GLYAT: variants seen among roughly 807,000 people sequenced by gnomAD.
The protein encoded by GLYAT is glycine-N-acyltransferase.
Under a neutral mutation model 22.8 loss-of-function variants are expected in GLYAT, and 25 were observed. The observed-to-expected ratio is 1.09, with a 90% CI of 0.80 to 1.53. The LOEUF is 1.53. GLYAT is among the 40% of genes most tolerant of loss of function. The pLI is 0.00. For synonymous variants in GLYAT, 140 were observed against 122.7 expected, an observed-to-expected ratio of 1.14 and a Z score of -0.93; for missense variants, 411 against 353.9, an observed-to-expected ratio of 1.16 and a Z score of -1.29.
intron 2 of GLYAT, among the ~76,000 whole-genome samples, chr11:58,716,775 C>A (rs773779190): frequency 6.6e-6 from 1 of 152,092 alleles, no homozygotes; most frequent in Non-Finnish European, 1.5e-5. Flanking sequence ...AGTGCACACC[C>A]GTGAAACAGC....
At chr11:58,716,198 G>C (rs1856678061) in intron 2 of GLYAT, among the ~76,000 whole-genome samples, 1 of 152,082 alleles carries the variant, frequency 6.6e-6, no homozygotes, top group Non-Finnish European at 1.5e-5. Flanking sequence ...CCCACAGACA[G>C]TAAGTGTCCT....
At chr11:58,727,909 A>C (rs1856826169) in intron 1 of GLYAT, among the ~76,000 whole-genome samples, 1 of 152,138 alleles carries the variant, frequency 6.6e-6, no homozygotes, top group Non-Finnish European at 1.5e-5. Context: ...TCAAGGGAGA[A>C]TGGACACAAG....
chr11:58,712,932 A>G (rs376144951), intron 3 of GLYAT, 46 bp from the exon 4 acceptor site: 3 of 1,271,426 alleles, frequency 2.4e-6, no homozygotes, highest in Non-Finnish European at 3.4e-6. Flanking sequence ...CTTATATTTT[A>G]TGATTACATA....
chr11:58,724,351 C>A, intron 2 of GLYAT, 65 bp downstream of exon 2: 1 of 828,444 alleles, frequency 1.2e-6, no homozygotes, highest in South Asian at 1.6e-5. Context: ...AAATATCAGT[C>A]CCTTTCCCTC....
chr11:58,712,854 A>G lies in GLYAT; in HGVS notation c.222T>C (p.Asn74=). The change falls in exon 4 of 6, where the codon AAT becomes AAC. Residue 74 remains asparagine (N), a synonymous_variant. Coordinates refer to ENST00000344743, the MANE Select transcript of GLYAT (RefSeq NM_201648.3). ...GATCTTTGGAGTAGATTTGGTAAGT[A>G]TTGGTATAGTGATCAAGGTCATCTG... ...DMTDDLDHYT[N]TYQIYSKDPQ... 1 of 1,606,640 alleles carries G rather than the reference A, an allele frequency of 6.2e-7. No homozygotes were observed. Among genetic ancestry groups the G allele is most frequent in the Non-Finnish European group, 8.5e-7 (1 of 1,173,294 alleles).
chr11:58,712,222 T>C (rs117261893), intron 4 of GLYAT, among the ~76,000 whole-genome samples: 1 of 152,352 alleles, frequency 6.6e-6, no homozygotes, highest in East Asian at 1.9e-4. Context: ...GTCACTTTCA[T>C]TTAATCTTTT....
chr11:58,710,808 G>A (rs1223954701), intron 4 of GLYAT, 47 bp from the exon 5 acceptor site: 2 of 1,184,042 alleles, frequency 1.7e-6, no homozygotes, highest in African/African-American at 3.0e-5. Context: ...GTATATTCTA[G>A]ACTGAAGTTC....
chr11:58,710,988 C>A (rs1314135073), intron 4 of GLYAT, among the ~76,000 whole-genome samples: 1 of 152,132 alleles, frequency 6.6e-6, no homozygotes, highest in Non-Finnish European at 1.5e-5. Context: ...CCTCTAGAAG[C>A]AAAATTTATT....
intron 3 of GLYAT, 49 bp downstream of exon 3, chr11:58,715,267 G>A (rs1188707792): frequency 2.4e-6 from 2 of 837,428 alleles, no homozygotes; most frequent in Admixed American, 3.6e-5. Flanking sequence ...AATGTAATAG[G>A]CACACAGCTA....
intron 5 of GLYAT, chr11:58,710,369 C>T: frequency 2.2e-6 from 2 of 900,546 alleles, no homozygotes; most frequent in Non-Finnish European, 3.3e-6. Flanking sequence ...CAATAAAGGT[C>T]CAAGTGGTAG....
intron 5 of GLYAT, 180 bp downstream of exon 5, chr11:58,710,410 G>A (rs1393220326): frequency 5.6e-6 from 4 of 711,680 alleles, no homozygotes; most frequent in South Asian, 3.8e-5. Context: ...AGATGAGAAG[G>A]GAGATGGTGG....
intron 2 of GLYAT, among the ~76,000 whole-genome samples, chr11:58,723,690 A>G (rs1355481772): frequency 6.6e-6 from 1 of 152,056 alleles, no homozygotes; most frequent in Non-Finnish European, 1.5e-5. Context: ...AGTGAGCCAT[A>G]TCCATTTGGT....
At position 58,709,676 on chromosome 11, in the gene GLYAT, T is replaced by C; in HGVS notation, c.*90A>G. On this transcript the variant is annotated 3_prime_UTR_variant, in exon 6 of 6. Coordinates refer to ENST00000344743, the MANE Select transcript of GLYAT (RefSeq NM_201648.3). ...ACAGTGCCCACTCCTTTACTGCTGATTACAATTTATTATTTCTTTTCATCC... is the reference window on the plus strand; with the variant it reads ...ACAGTGCCCACTCCTTTACTGCTGACTACAATTTATTATTTCTTTTCATCC... 7.2e-7 allele frequency: 1 copy of C among 1,382,124 alleles called. No homozygotes were observed. The highest frequency in any genetic ancestry group is 9.9e-7 in the Non-Finnish European group (1 of 1,008,070). The allele number at this position is 1,382,124 out of a possible 1,614,324, so 85.6% of individuals were successfully genotyped here. A position where few individuals can be genotyped will look rare whatever the true frequency, so the allele number is the denominator to read the frequency against.
Position 58,724,418 on chromosome 11 carries a change from T to G in GLYAT, c.79A>C (p.Lys27Gln). The G allele has an allele frequency of 6.3e-7, 1 of 1,580,078 alleles. No individual in the cohort carries two copies. Among genetic ancestry groups the G allele is most frequent in the Non-Finnish European group, 8.7e-7 (1 of 1,151,152 alleles). Residue 27 changes from lysine (K) to glutamine (Q), a missense_variant and splice_region_variant, in exon 2 of 6, where the codon AAG becomes CAG. Lys to Gln is a moderately conservative substitution (Grantham distance 53). Coordinates refer to ENST00000344743, the MANE Select transcript of GLYAT (RefSeq NM_201648.3). Reference protein sequence around the residue: ...SLRKSLPASLKVYGTVFHINH... With the variant: ...SLRKSLPASLQVYGTVFHINH... ...CTCTCAGAATTTTCCATTATCACCT[T>G]TAAGGATGCTGGGAGGCTCTTCCTC... is the stretch of plus-strand genomic sequence containing the variant.
At chr11:58,714,628 C>T (rs1856657053) in intron 3 of GLYAT, among the ~76,000 whole-genome samples, 1 of 152,070 alleles carries the variant, frequency 6.6e-6, no homozygotes, top group South Asian at 2.1e-4. Context: ...GGGTGGTTTC[C>T]CCCACCGTGT....
intron 1 of GLYAT, 89 bp from the exon 2 acceptor site, chr11:58,724,600 G>GTT: frequency 1.3e-5 from 6 of 447,762 alleles, no homozygotes; most frequent in South Asian, 6.2e-5. Context: ...TAATGACCAG[G>GTT]TTTTTTTTTT....
Position 58,715,403 on chromosome 11 carries a change from G to T in GLYAT, c.102C>A (p.His34Gln), listed in dbSNP as rs768450855. 2 of 1,568,330 alleles carry T rather than the reference G, an allele frequency of 1.3e-6. No homozygotes were observed. Among genetic ancestry groups the T allele is most frequent in the Non-Finnish European group, 1.8e-6 (2 of 1,141,316 alleles). ...GATTGAATGGATTTCCATGGTTTATGTGAAAGACAGTTCCATAAACCTGCA... is the reference window on the plus strand; with the variant it reads ...GATTGAATGGATTTCCATGGTTTATTTGAAAGACAGTTCCATAAACCTGCA... ...ASLKVYGTVF[H>Q]INHGNPFNLK... is the part of the protein sequence containing the mutation. Residue 34 changes from histidine to glutamine, a missense_variant, in exon 3 of 6, where the codon CAC (histidine) becomes CAA (glutamine). Coordinates refer to ENST00000344743, the MANE Select transcript of GLYAT (RefSeq NM_201648.3).
intron 1 of GLYAT, among the ~76,000 whole-genome samples, chr11:58,727,605 C>T (rs952607368): frequency 6.6e-6 from 1 of 151,990 alleles, no homozygotes; most frequent in African/African-American, 2.4e-5. Context: ...AAGGTCCTTC[C>T]CACTCCCACA....
Position 58,724,744 on chromosome 11 carries a change from T to G in GLYAT, c.-15-233A>C, listed in dbSNP as rs376052210. 1.7e-3 allele frequency among the ~76,000 whole-genome samples: 256 copies of G among 152,256 alleles called. 2 individuals are homozygous for G. Among genetic ancestry groups the G allele is most frequent in the African/African-American group, 5.8e-3 (241 of 41,562 alleles). ...TGAATTCCAGCCATTAATTTCATTT[T>G]AGATTTAAAAAGTACATTTTTAAAT... On this transcript the variant is annotated intron_variant, in intron 1 of 5. Coordinates refer to ENST00000344743, the MANE Select transcript of GLYAT (RefSeq NM_201648.3).
Sources: gnomAD v4.1 joint callset for allele counts (sites outside exome capture counted in the v4.1 genomes callset) on GRCh38, gnomAD v4.1.1 for gene constraint, MANE v1.5 for transcripts, NCBI Gene and HGNC (gene_info 2026-07-23, HGNC 2026-07-21) for gene names.